The following CHSY3 variants were observed in gnomAD, a reference collection of about 807,000 sequenced individuals.
The protein encoded by CHSY3 is N-acetylgalactosaminyl-proteoglycan 3-beta-glucuronosyltransferase 3.
A neutral mutation model predicts 67.2 loss-of-function variants in CHSY3; 35 were observed. That is an observed-to-expected ratio of 0.52 (90% CI 0.40 to 0.69). The LOEUF (loss-of-function observed/expected upper bound fraction) is 0.69. CHSY3 is among the 30% of genes least tolerant of loss of function. The pLI, the probability that CHSY3 is intolerant of heterozygous loss-of-function variation, is 0.00. For synonymous variants in CHSY3, 474 were observed against 434.7 expected (o/e 1.09, Z -1.12); for missense variants, 1,069 against 1,138.5 (o/e 0.94, Z 0.88).
rs148346424 is a variant in CHSY3, at chr5:130,169,210, C to T, written c.1087-15019C>T. Among the ~76,000 whole-genome samples the T allele has an allele frequency of 9.9e-3, 1,501 of 152,220 alleles. 28 individuals carry two copies. Among genetic ancestry groups the T allele is most frequent in the African/African-American group, 0.034 (1,428 of 41,542 alleles). On this transcript the variant is annotated intron_variant, in intron 2 of 2. Coordinates refer to ENST00000305031, the MANE Select transcript of CHSY3 (RefSeq NM_175856.5). Reference sequence around the variant, plus strand: ...CTATGTTCTCCTCTGTACCTTATTACTCTGCAACATACTGAGAGCTGAGAT... The same window carrying T: ...CTATGTTCTCCTCTGTACCTTATTATTCTGCAACATACTGAGAGCTGAGAT...
In CHSY3 at chr5:129,904,552, T is replaced by TGCCGCCGCTGCC. The variant is rs1760153499; in HGVS notation, c.-274_-263dup. 4 of 361,718 alleles carry TGCCGCCGCTGCC rather than the reference T, an allele frequency of 1.1e-5. No homozygotes were observed. 22.4% of individuals were successfully genotyped at this position (361,718 alleles called of 1,614,324 possible). On this transcript the variant is annotated 5_prime_UTR_variant, in exon 1 of 3. Transcript: ENST00000305031. ...CTGCAGCTCCTCCAGCTGCCGCTGC[T>TGCCGCCGCTGCC]GCCGCCGCTGCCGCCACCGCCGCCG...
At chr5:130,155,012 C>T (rs1769331368) in intron 2 of CHSY3, among the ~76,000 whole-genome samples, 1 of 152,156 alleles carries the variant, frequency 6.6e-6, no homozygotes, top group African/African-American at 2.4e-5. Flanking sequence ...ATTGACACCT[C>T]GAACAGCAAC....
At chr5:130,093,146 C>T (rs1429515643) in intron 2 of CHSY3, among the ~76,000 whole-genome samples, 2 of 152,080 alleles carry the variant, frequency 1.3e-5, no homozygotes, top group African/African-American at 4.8e-5. Flanking sequence ...CTAAACAATT[C>T]CATTGAATTT....
At chr5:129,955,245 A>G (rs1039460312) in intron 2 of CHSY3, among the ~76,000 whole-genome samples, 1 of 152,050 alleles carries the variant, frequency 6.6e-6, no homozygotes, top group Non-Finnish European at 1.5e-5. Context: ...ACCAAATTAT[A>G]TGAAAATTAA....
At chr5:129,960,675 T>C (rs879606949) in intron 2 of CHSY3, among the ~76,000 whole-genome samples, 2 of 152,000 alleles carry the variant, frequency 1.3e-5, no homozygotes, top group Admixed American at 6.6e-5. Context: ...TGAAGCTTTG[T>C]ATCAACATCT....
chr5:130,058,079 A>C (rs547226683), intron 2 of CHSY3, among the ~76,000 whole-genome samples: 1 of 152,076 alleles, frequency 6.6e-6, no homozygotes, highest in Non-Finnish European at 1.5e-5. Flanking sequence ...TCTTCCTTTA[A>C]AATCACTCTT....
At position 129,995,450 on chromosome 5, in the gene CHSY3, C is replaced by T. The variant is rs189709647; in HGVS notation, c.1086+87090C>T. Among the ~76,000 whole-genome samples, 34 of 149,656 alleles carry T rather than the reference C, an allele frequency of 2.3e-4. No homozygotes were observed. In the East Asian group the frequency reaches 6.4e-3, roughly 28 times the overall value. Reference sequence around the variant, plus strand: ...TTAGTTTTAATAAAGTCTAATTCGTCGATTAAAAAAAAGAATGATGTGATT... The same window carrying T: ...TTAGTTTTAATAAAGTCTAATTCGTTGATTAAAAAAAAGAATGATGTGATT... On this transcript the variant is annotated intron_variant, in intron 2 of 2. Coordinates refer to ENST00000305031, the MANE Select transcript of CHSY3 (RefSeq NM_175856.5).
rs59639782 is a variant in CHSY3, at chr5:129,970,398, TTAGATAGATAGATAGATAGA to T, written c.1086+62071_1086+62090del. ...TAAATGGGGTGGACAGAGGAACAGA[TTAGATAGATAGATAGATAGA>T]TAGATAGATAGATAGATAGATAGAT... On this transcript the variant is annotated intron_variant, in intron 2 of 2. Transcript: ENST00000305031. Among the ~76,000 whole-genome samples, 651 of 145,734 alleles carry T rather than the reference TTAGATAGATAGATAGATAGA, an allele frequency of 4.5e-3. 4 individuals carry two copies. Among genetic ancestry groups the T allele is most frequent in the South Asian group, 0.015 (66 of 4,468 alleles).
At chr5:129,948,901 T>C (rs1761943709) in intron 2 of CHSY3, among the ~76,000 whole-genome samples, 2 of 152,190 alleles carry the variant, frequency 1.3e-5, no homozygotes, top group African/African-American at 4.8e-5. Flanking sequence ...AATCAACTGG[T>C]AAATCTACTT....
At chr5:129,987,561 T>G (rs1464693567) in intron 2 of CHSY3, among the ~76,000 whole-genome samples, 1 of 152,190 alleles carries the variant, frequency 6.6e-6, no homozygotes, top group Middle Eastern at 3.2e-3. Context: ...TCACTCATGC[T>G]TAAAGGAATG....
intron 2 of CHSY3, among the ~76,000 whole-genome samples, chr5:129,997,907 C>T (rs574687646): frequency 6.6e-6 from 1 of 152,114 alleles, no homozygotes; most frequent in Non-Finnish European, 1.5e-5. Context: ...TCCAGTCTAT[C>T]GTTGATGGAC....
chr5:130,103,519 G>T (rs1220763296), intron 2 of CHSY3, among the ~76,000 whole-genome samples: 2 of 151,786 alleles, frequency 1.3e-5, no homozygotes, highest in East Asian at 3.9e-4. Context: ...TTCCATTCAA[G>T]TTTCATCTTT....
At chr5:130,081,823 A>G (rs1200706777) in intron 2 of CHSY3, among the ~76,000 whole-genome samples, 2 of 152,072 alleles carry the variant, frequency 1.3e-5, no homozygotes, top group South Asian at 2.1e-4. Flanking sequence ...CTTTTTCTTT[A>G]TAAATTACCC....
intron 2 of CHSY3, among the ~76,000 whole-genome samples, chr5:129,992,333 T>A (rs1481243128): frequency 2.0e-5 from 3 of 152,194 alleles, no homozygotes; most frequent in African/African-American, 7.2e-5. Flanking sequence ...AAAGTATATT[T>A]TGGAAGGAAT....
rs535370532 is a variant in CHSY3 at position 129,999,974 on chromosome 5, T to C, written c.1086+91614T>C. Among the ~76,000 whole-genome samples, 37 of 152,242 alleles carry C rather than the reference T, an allele frequency of 2.4e-4. No homozygotes were observed. In the South Asian group the frequency reaches 4.3e-3, roughly 18 times the overall value. Reference sequence around the variant, plus strand: ...ATTTATCTTCCCTCAGAAATAACCATTGTCTTTGAGAAAGCTAAAATCTCC... The same window carrying C: ...ATTTATCTTCCCTCAGAAATAACCACTGTCTTTGAGAAAGCTAAAATCTCC... On this transcript the variant is annotated intron_variant, in intron 2 of 2. Transcript: ENST00000305031.
intron 2 of CHSY3, among the ~76,000 whole-genome samples, chr5:130,016,434 G>A (rs531276436): frequency 5.9e-5 from 9 of 152,232 alleles, no homozygotes; most frequent in East Asian, 5.8e-4. Flanking sequence ...TTTTTGAGAC[G>A]AAGTCTCGCT....
chr5:130,046,113 G>A (rs1021228018), intron 2 of CHSY3, among the ~76,000 whole-genome samples: 3 of 151,942 alleles, frequency 2.0e-5, no homozygotes, highest in African/African-American at 4.8e-5. Flanking sequence ...CATATTAAAG[G>A]GAAAAAGTAC....
intron 2 of CHSY3, among the ~76,000 whole-genome samples, chr5:130,024,109 G>T (rs1223686302): frequency 7.7e-6 from 1 of 130,154 alleles, no homozygotes; most frequent in African/African-American, 3.0e-5. Flanking sequence ...ATCAGATGTT[G>T]TCCTCATCCT....
At chr5:130,033,600 C>T (rs1224595201) in intron 2 of CHSY3, among the ~76,000 whole-genome samples, 1 of 152,136 alleles carries the variant, frequency 6.6e-6, no homozygotes, top group Non-Finnish European at 1.5e-5. Flanking sequence ...TATTTACAAA[C>T]TCTATGTATT....
Sources: gnomAD v4.1 joint callset for allele counts (sites outside exome capture counted in the v4.1 genomes callset) on GRCh38, gnomAD v4.1.1 for gene constraint, MANE v1.5 for transcripts, NCBI Gene and HGNC (gene_info 2026-07-23, HGNC 2026-07-21) for gene names.